PCGF5: variants seen among roughly 807,000 people sequenced by gnomAD.
PCGF5 encodes the protein polycomb group RING finger protein 5.
In PCGF5, 9 loss-of-function variants were observed where a neutral mutation model predicts 44.3. The ratio of observed to expected loss-of-function variants is 0.20; its 90% CI spans 0.12 to 0.35. The LOEUF (loss-of-function observed/expected upper bound fraction) is 0.35. Ranked by LOEUF, PCGF5 falls within the 10% of genes least tolerant of loss-of-function variation. The probability of loss-of-function intolerance (pLI) is 1.00; values close to 1 mark genes in which losing one functional copy is unlikely to be tolerated. For synonymous variants in PCGF5, 95 were observed against 102.5 expected, an observed-to-expected ratio of 0.93 and a Z score of 0.44; for missense variants, 146 against 305.3, an observed-to-expected ratio of 0.48 and a Z score of 3.89.
chr10:91,196,139 C>T (rs1008661918), intron 1 of PCGF5, among the ~76,000 whole-genome samples: 3 of 152,048 alleles, frequency 2.0e-5, no homozygotes. Context: ...AGATATTTCA[C>T]ATGGTGGCAG....
chr10:91,184,788 G>A (rs1182589429), intron 1 of PCGF5, among the ~76,000 whole-genome samples: 1 of 152,098 alleles, frequency 6.6e-6, no homozygotes, highest in Non-Finnish European at 1.5e-5. Context: ...TTTGCTAGGG[G>A]TCTGCTCCAG....
intron 1 of PCGF5, among the ~76,000 whole-genome samples, chr10:91,192,761 G>A (rs575401029): frequency 1.3e-5 from 2 of 152,182 alleles, no homozygotes; most frequent in South Asian, 2.1e-4. Context: ...ATAGAGCACA[G>A]AAAGGAGAAA....
At chr10:91,191,909 T>C (rs1036045703) in intron 1 of PCGF5, among the ~76,000 whole-genome samples, 1 of 152,226 alleles carries the variant, frequency 6.6e-6, no homozygotes, top group African/African-American at 2.4e-5. Flanking sequence ...AACAGAAATT[T>C]AATTTTCACT....
intron 1 of PCGF5, among the ~76,000 whole-genome samples, chr10:91,165,605 T>A (rs1843485963): frequency 6.6e-6 from 1 of 152,216 alleles, no homozygotes; most frequent in Non-Finnish European, 1.5e-5. Context: ...CAATATGAAG[T>A]ATTAATTTAA....
intron 2 of PCGF5, among the ~76,000 whole-genome samples, chr10:91,238,859 G>A (rs983664178): frequency 6.6e-6 from 1 of 151,750 alleles, no homozygotes; most frequent in Non-Finnish European, 1.5e-5. Context: ...AATAGCTCTA[G>A]GCCAAGCTTT....
In PCGF5 at chr10:91,186,621, T is replaced by C. The variant is rs147734075; in HGVS notation, c.-184+23540T>C. Among the ~76,000 whole-genome samples the C allele has an allele frequency of 2.5e-4, 38 of 152,122 alleles. 1 individual carries two copies. In the East Asian group the frequency reaches 7.0e-3, roughly 28 times the overall value. On this transcript the variant is annotated intron_variant, in intron 1 of 9. Transcript: ENST00000614189. Reference sequence around the variant, plus strand: ...GTGTATATATACACACATATATATGTAACAAATTAAAATGTTTAAAATGTT... The same window carrying C: ...GTGTATATATACACACATATATATGCAACAAATTAAAATGTTTAAAATGTT...
intron 2 of PCGF5, 25 bp downstream of exon 2, chr10:91,223,008 A>G (rs756447727): frequency 1.4e-6 from 2 of 1,430,348 alleles, no homozygotes; most frequent in Non-Finnish European, 2.0e-6. Context: ...AGGTTATTAT[A>G]CCTATCAAAG....
chr10:91,165,480 T>C (rs1843483094), intron 1 of PCGF5, among the ~76,000 whole-genome samples: 1 of 152,204 alleles, frequency 6.6e-6, no homozygotes, highest in Admixed American at 6.5e-5. Context: ...AGGTTCATAA[T>C]AAATACCACT....
At chr10:91,225,253 TCGTATATATGTATATAC>T (rs1844793202) in intron 2 of PCGF5, among the ~76,000 whole-genome samples, 2 of 147,340 alleles carry the variant, frequency 1.4e-5, no homozygotes, top group Non-Finnish European at 3.0e-5. Context: ...ATGATATATA[TCGTATATATGTATATAC>T]GATATATATC....
intron 8 of PCGF5, among the ~76,000 whole-genome samples, chr10:91,264,997 T>C (rs1335537194): frequency 6.6e-6 from 1 of 152,010 alleles, no homozygotes; most frequent in African/African-American, 2.4e-5. Flanking sequence ...GACTTAAGGG[T>C]AAGTGAGTTT....
chr10:91,164,974 C>G (rs963391587), intron 1 of PCGF5, among the ~76,000 whole-genome samples: 1 of 152,220 alleles, frequency 6.6e-6, no homozygotes, highest in Non-Finnish European at 1.5e-5. Flanking sequence ...ATAACCCTAG[C>G]ACCTAGAACA....
chr10:91,173,892 AT>A (rs1172280712), intron 1 of PCGF5, among the ~76,000 whole-genome samples: 1 of 151,898 alleles, frequency 6.6e-6, no homozygotes, highest in Non-Finnish European at 1.5e-5. Context: ...ATGCTTGATT[AT>A]TTGTTAAAAG....
chr10:91,170,820 A>G (rs1259109832), intron 1 of PCGF5, among the ~76,000 whole-genome samples: 3 of 152,252 alleles, frequency 2.0e-5, no homozygotes, highest in African/African-American at 4.8e-5. Flanking sequence ...TGATGTTTAT[A>G]GTAGCTTTCT....
chr10:91,240,327 T>C (rs1272859540), intron 2 of PCGF5, among the ~76,000 whole-genome samples, 157 bp from the exon 3 acceptor site: 3 of 152,176 alleles, frequency 2.0e-5, no homozygotes, highest in Admixed American at 2.0e-4. Flanking sequence ...TTGGGTGTTA[T>C]TACAGTGTTA....
At chr10:91,252,311 T>C (rs1042749289) in intron 6 of PCGF5, among the ~76,000 whole-genome samples, 1 of 151,962 alleles carries the variant, frequency 6.6e-6, no homozygotes, top group African/African-American at 2.4e-5. Flanking sequence ...GGCTAGTGGG[T>C]TGAATTTTTT....
intron 6 of PCGF5, 73 bp from the exon 7 acceptor site, chr10:91,261,253 T>A: frequency 7.3e-7 from 1 of 1,364,550 alleles, no homozygotes; most frequent in Non-Finnish European, 9.6e-7. Flanking sequence ...CTGGTAGCTA[T>A]GGTTTCACCA....
intron 1 of PCGF5, among the ~76,000 whole-genome samples, chr10:91,202,259 A>C (rs575946356): frequency 6.6e-6 from 1 of 152,302 alleles, no homozygotes; most frequent in Admixed American, 6.5e-5. Context: ...TTGATGTAGT[A>C]TGGTGGTTAA....
chr10:91,280,192 C>T lies in PCGF5; in HGVS notation c.*1876C>T, dbSNP rs2133482489. 1 of 152,082 alleles carries T rather than the reference C, an allele frequency of 6.6e-6. No individual in the cohort carries two copies. Among genetic ancestry groups the T allele is most frequent in the South Asian group, 2.1e-4 (1 of 4,822 alleles). 9.4% of individuals were successfully genotyped at this position (152,082 alleles called of 1,614,324 possible). On this transcript the variant is annotated 3_prime_UTR_variant, in exon 10 of 10. Transcript: ENST00000336126. ...TTTTTCTATGGTGTGAAACTGTTCCCAGACATCCCTAAGAACTTTTACAAA... is the reference window on the plus strand; with the variant it reads ...TTTTTCTATGGTGTGAAACTGTTCCTAGACATCCCTAAGAACTTTTACAAA...
At chr10:91,220,495 C>G (rs1208560844), upstream of PCGF5, 1 of 152,556 alleles carries the variant, frequency 6.6e-6, no homozygotes, top group Non-Finnish European at 1.5e-5. Flanking sequence ...GGCAGCTGCA[C>G]CTGCGAGCAG....
Sources: gnomAD v4.1 joint callset for allele counts (sites outside exome capture counted in the v4.1 genomes callset) on GRCh38, gnomAD v4.1.1 for gene constraint, MANE v1.5 for transcripts, NCBI Gene and HGNC (gene_info 2026-07-23, HGNC 2026-07-21) for gene names.